CPNE4: variants seen among roughly 807,000 people sequenced by gnomAD.
CPNE4 encodes the protein copine 4.
Under a neutral mutation model 67.9 loss-of-function variants are expected in CPNE4, and 25 were observed. The observed-to-expected ratio is 0.37, with a 90% CI of 0.27 to 0.51. The LOEUF is 0.51. Among genes scored for constraint, CPNE4 ranks in the 20% least tolerant of loss-of-function variants. The pLI, the probability that CPNE4 is intolerant of heterozygous loss-of-function variation, is 0.93. For missense variants in CPNE4, 464 were observed against 690.8 expected, an observed-to-expected ratio of 0.67 and a Z score of 3.68; for synonymous variants, 242 against 244.9, an observed-to-expected ratio of 0.99 and a Z score of 0.11.
Position 131,932,605 on chromosome 3 carries a change from A to T in CPNE4, c.-1-27161T>A, listed in dbSNP as rs537948038. 6.6e-5 allele frequency among the ~76,000 whole-genome samples: 10 copies of T among 152,218 alleles called. No homozygotes were observed. In the South Asian group the frequency reaches 2.1e-3, roughly 32 times the overall value. ...GAAAATAATTTTCTGAGGAAGGAAC[A>T]TTTAAGTTGAATTTGGTACATGAGT... On this transcript the variant is annotated intron_variant, in intron 1 of 15. Coordinates refer to ENST00000429747, the MANE Select transcript of CPNE4 (RefSeq NM_130808.3).
intron 2 of CPNE4, among the ~76,000 whole-genome samples, chr3:131,807,289 AG>A (rs1453418371): frequency 6.6e-6 from 1 of 152,198 alleles, no homozygotes; most frequent in Non-Finnish European, 1.5e-5. Flanking sequence ...TTCAGGGCAA[AG>A]GGCATCTCAC....
chr3:132,002,605 T>A (rs1480928874), intron 1 of CPNE4, among the ~76,000 whole-genome samples: 1 of 152,158 alleles, frequency 6.6e-6, no homozygotes, highest in African/African-American at 2.4e-5. Context: ...TGTGAAAATA[T>A]GACGCAGGAT....
intron 2 of CPNE4, among the ~76,000 whole-genome samples, chr3:131,812,188 G>T (rs1459530867): frequency 6.9e-6 from 1 of 144,702 alleles, no homozygotes; most frequent in African/African-American, 2.6e-5. Flanking sequence ...AGAAGGAATA[G>T]AGAAGGTGGA....
chr3:131,812,726 G>A (rs536299659), intron 2 of CPNE4, among the ~76,000 whole-genome samples: 1 of 152,312 alleles, frequency 6.6e-6, no homozygotes, highest in South Asian at 2.1e-4. Context: ...ACAGCTGAGA[G>A]GCCAGTGAAG....
intron 1 of CPNE4, among the ~76,000 whole-genome samples, chr3:132,028,769 A>G (rs947513861): frequency 4.6e-5 from 7 of 152,146 alleles, no homozygotes; most frequent in Non-Finnish European, 7.3e-5. Flanking sequence ...AATGTGGCAA[A>G]TCTGAATTAA....
At chr3:131,613,909 C>CA (rs1184601200) in intron 7 of CPNE4, among the ~76,000 whole-genome samples, 1 of 151,368 alleles carries the variant, frequency 6.6e-6, no homozygotes, top group Admixed American at 6.6e-5. Flanking sequence ...TCATTCCAAC[C>CA]AAAAAAAGGG....
intron 2 of CPNE4, among the ~76,000 whole-genome samples, chr3:131,747,864 T>C (rs2107791543): frequency 6.6e-6 from 1 of 152,304 alleles, no homozygotes; most frequent in Non-Finnish European, 1.5e-5. Flanking sequence ...ACTATTGTTC[T>C]GGCTAGATAC....
intron 6 of CPNE4, among the ~76,000 whole-genome samples, chr3:131,678,334 G>C (rs548220042): frequency 6.6e-6 from 1 of 152,072 alleles, no homozygotes; most frequent in Non-Finnish European, 1.5e-5. Flanking sequence ...GAAGCTTTCG[G>C]GCTGAGACGA....
intron 15 of CPNE4, among the ~76,000 whole-genome samples, chr3:131,539,818 T>C (rs1654905286): frequency 6.6e-6 from 1 of 152,224 alleles, no homozygotes; most frequent in Non-Finnish European, 1.5e-5. Context: ...TATTCAGTGA[T>C]GTGTCTATCT....
upstream of CPNE4, chr3:132,037,542 G>T: frequency 3.9e-6 from 6 of 1,532,560 alleles, no homozygotes; most frequent in Non-Finnish European, 4.4e-6. Context: ...AAATCCCCTT[G>T]TCTCTATCAC....
intron 1 of CPNE4, among the ~76,000 whole-genome samples, chr3:131,958,609 CTTTTTTTTTTTTTTTTTTTTT>C (rs748126986): frequency 1.8e-4 from 17 of 96,036 alleles, no homozygotes; most frequent in African/African-American, 4.0e-4. Context: ...TCTTTCTTTT[CTTTTTTTTTTTTTTTTTTTTT>C]TTTTTTTTTT....
At chr3:131,876,604 T>G (rs1305749706) in intron 2 of CPNE4, among the ~76,000 whole-genome samples, 1 of 133,084 alleles carries the variant, frequency 7.5e-6, no homozygotes, top group Non-Finnish European at 1.5e-5. Context: ...ATCGCACCAT[T>G]GCACTCCAGC....
chr3:131,717,888 T>TTTCGTTC (rs1337160684), intron 3 of CPNE4, among the ~76,000 whole-genome samples: 1 of 46,388 alleles, frequency 2.2e-5, no homozygotes, highest in Non-Finnish European at 5.9e-5. Context: ...CTTTCTTTCT[T>TTTCGTTC]TCTTTCTTTC....
intron 1 of CPNE4, among the ~76,000 whole-genome samples, chr3:131,941,980 C>A (rs2071401563): frequency 6.6e-6 from 1 of 151,724 alleles, no homozygotes; most frequent in South Asian, 2.1e-4. Flanking sequence ...ACCAAACAAC[C>A]CATTATGACA....
intron 5 of CPNE4, among the ~76,000 whole-genome samples, chr3:131,696,291 G>T (rs2081155639): frequency 6.6e-6 from 1 of 152,090 alleles, no homozygotes; most frequent in South Asian, 2.1e-4. Context: ...ATTTACCTGT[G>T]CACATCTCAC....
At chr3:131,587,007 C>A (rs1486489257) in intron 8 of CPNE4, among the ~76,000 whole-genome samples, 1 of 152,112 alleles carries the variant, frequency 6.6e-6, no homozygotes, top group Non-Finnish European at 1.5e-5. Context: ...GTCACCAAAT[C>A]ATGGAAATAT....
intron 2 of CPNE4, among the ~76,000 whole-genome samples, chr3:131,745,901 C>A (rs912303693): frequency 2.0e-5 from 3 of 151,968 alleles, no homozygotes; most frequent in African/African-American, 7.2e-5. Context: ...TTAGAACAAC[C>A]TTGTCTATAT....
At chr3:132,029,002 A>G (rs2074180637) in intron 1 of CPNE4, among the ~76,000 whole-genome samples, 1 of 151,820 alleles carries the variant, frequency 6.6e-6, no homozygotes, top group Non-Finnish European at 1.5e-5. Context: ...TTATCTACGC[A>G]CTAAAATGCC....
chr3:131,761,470 G>T (rs527743160), intron 2 of CPNE4, among the ~76,000 whole-genome samples: 75 of 152,108 alleles, frequency 4.9e-4, no homozygotes, highest in African/African-American at 1.7e-3. Context: ...TTATGAAAAG[G>T]CTGGGCATGT....
Sources: allele counts gnomAD v4.1 joint callset (sites outside exome capture counted in the v4.1 genomes callset), GRCh38; gene constraint gnomAD v4.1.1; transcripts MANE v1.5; gene names NCBI Gene and HGNC (gene_info 2026-07-23, HGNC 2026-07-21).